TLN2: variants seen among roughly 807,000 people sequenced by gnomAD.
TLN2 encodes the protein talin 2.
TLN2 carries 118 observed loss-of-function variants against 294.7 expected under a neutral mutation model. That is an observed-to-expected ratio of 0.40 (90% CI 0.34 to 0.47). The LOEUF is 0.47. Ranked by LOEUF, TLN2 falls within the 20% of genes least tolerant of loss-of-function variation. TLN2 has a pLI of 0.84. For missense variants in TLN2, 3,083 were observed against 3,282.2 expected, an observed-to-expected ratio of 0.94 and a Z score of 1.48; for synonymous variants, 1,431 against 1,304.5, an observed-to-expected ratio of 1.10 and a Z score of -2.09.
intron 1 of TLN2, among the ~76,000 whole-genome samples, chr15:62,432,580 C>T (rs2035067045): frequency 6.6e-6 from 1 of 152,264 alleles, no homozygotes; most frequent in African/African-American, 2.4e-5. Flanking sequence ...TATGTGAAGG[C>T]ACTTTGAAAA....
chr15:62,602,297 A>G (rs2047068206), intron 2 of TLN2, among the ~76,000 whole-genome samples: 1 of 152,070 alleles, frequency 6.6e-6, no homozygotes, highest in Admixed American at 6.5e-5. Flanking sequence ...ATATTTTTTC[A>G]TCTGCTTTAT....
intron 43 of TLN2, among the ~76,000 whole-genome samples, chr15:62,777,160 G>A (rs2063772733): frequency 6.6e-6 from 1 of 152,154 alleles, no homozygotes; most frequent in Admixed American, 6.5e-5. Context: ...GATATCATAG[G>A]TTTCCTCAAT....
chr15:62,833,761 C>G (rs79818289), intron 55 of TLN2, 132 bp downstream of exon 55: 80,975 of 1,329,854 alleles, frequency 0.061, 3,933 homozygotes, highest in South Asian at 0.19. Flanking sequence ...AATTGCCACT[C>G]TCTGTGCTGA....
intron 1 of TLN2, among the ~76,000 whole-genome samples, chr15:62,434,778 A>C (rs966233977): frequency 6.6e-6 from 1 of 152,102 alleles, no homozygotes; most frequent in Non-Finnish European, 1.5e-5. Flanking sequence ...TTTTCCTTCA[A>C]CTTTTAAGTT....
At chr15:62,632,124 C>G (rs1390694559) in intron 3 of TLN2, among the ~76,000 whole-genome samples, 5 of 152,186 alleles carry the variant, frequency 3.3e-5, no homozygotes, top group African/African-American at 1.2e-4. Flanking sequence ...CTAGACAGCC[C>G]CAGCGCCTGC....
intron 1 of TLN2, among the ~76,000 whole-genome samples, chr15:62,545,638 T>G (rs1227186791): frequency 6.6e-6 from 1 of 152,098 alleles, no homozygotes; most frequent in East Asian, 1.9e-4. Context: ...ATATCCTTTT[T>G]ATGCTCAAGT....
At chr15:62,784,023 A>T in intron 45 of TLN2, 133 bp downstream of exon 45, 1 of 1,450,208 alleles carries the variant, frequency 6.9e-7, no homozygotes, top group East Asian at 2.3e-5. Flanking sequence ...TTTCCCCACC[A>T]CTGCACAGCA....
intron 52 of TLN2, among the ~76,000 whole-genome samples, chr15:62,814,702 A>G (rs1053877178): frequency 1.2e-4 from 18 of 152,234 alleles, no homozygotes; most frequent in African/African-American, 4.1e-4. Context: ...ATAAACATAT[A>G]AAAAATACAA....
chr15:62,655,581 T>TTTA lies in TLN2; in HGVS notation c.518-363_518-362insTTA, dbSNP rs2053116013. ...GAGAGGCAGCATATTATACATTCAT[T>TTTA]GTAGCACATGTCACCGTGGGTTGGC... On this transcript the variant is annotated intron_variant, in intron 7 of 58. Transcript: ENST00000636159. 7.7e-4 allele frequency among the ~76,000 whole-genome samples: 9 copies of TTTA among 11,724 alleles called. 3 individuals carry two copies. The Non-Finnish European group carries it at 0.032, about 41-fold the overall frequency. The allele number at this position is 11,724 out of a possible 152,430, so 7.7% of individuals were successfully genotyped here.
intron 2 of TLN2, among the ~76,000 whole-genome samples, chr15:62,604,973 G>A (rs1387191075): frequency 1.3e-5 from 2 of 152,052 alleles, no homozygotes; most frequent in Admixed American, 6.6e-5. Context: ...TGTATCAGCT[G>A]TCTTGTATGT....
chr15:62,422,744 A>T (rs1023494397), intron 1 of TLN2, among the ~76,000 whole-genome samples: 1 of 151,320 alleles, frequency 6.6e-6, no homozygotes, highest in Non-Finnish European at 1.5e-5. Flanking sequence ...CCCATCTTCA[A>T]CTCCTCCTAT....
intron 5 of TLN2, among the ~76,000 whole-genome samples, chr15:62,651,014 CTT>C (rs2052528547): frequency 6.6e-6 from 1 of 152,022 alleles, no homozygotes; most frequent in African/African-American, 2.4e-5. Flanking sequence ...CTATTTATGT[CTT>C]TCATTATTTC....
chr15:62,440,093 A>G (rs542627417), intron 1 of TLN2, among the ~76,000 whole-genome samples: 3 of 152,260 alleles, frequency 2.0e-5, no homozygotes, highest in Non-Finnish European at 2.9e-5. Context: ...ATGTTCATGA[A>G]GAACCCGCCA....
intron 1 of TLN2, among the ~76,000 whole-genome samples, chr15:62,443,171 T>C (rs1439183723): frequency 6.6e-6 from 1 of 152,170 alleles, no homozygotes; most frequent in Non-Finnish European, 1.5e-5. Context: ...GTTCTGAGGA[T>C]TGGGGTGTGA....
chr15:62,780,103 A>G (rs997790976), intron 43 of TLN2, among the ~76,000 whole-genome samples: 2 of 152,196 alleles, frequency 1.3e-5, no homozygotes, highest in Non-Finnish European at 2.9e-5. Flanking sequence ...TTTTCCATAA[A>G]ACAGATGCAG....
In TLN2 at chr15:62,842,807, G is replaced by A. The variant is rs1355648021; in HGVS notation, c.*2197G>A. Reference sequence around the variant, plus strand: ...AGCTATATAAATACTCACCTTTCTGGAGTCGTCCAGTGCTGGGAGCTTTGG... The same window carrying A: ...AGCTATATAAATACTCACCTTTCTGAAGTCGTCCAGTGCTGGGAGCTTTGG... On this transcript the variant is annotated 3_prime_UTR_variant, in exon 59 of 59. Coordinates refer to ENST00000636159, the MANE Select transcript of TLN2 (RefSeq NM_015059.3). 1 of 152,156 alleles carries A rather than the reference G, an allele frequency of 6.6e-6. No homozygotes were observed. The highest frequency in any genetic ancestry group is 6.5e-5 in the Admixed American group (1 of 15,280). 9.4% of individuals were successfully genotyped at this position (152,156 alleles called of 1,614,324 possible).
intron 45 of TLN2, among the ~76,000 whole-genome samples, chr15:62,788,203 C>T (rs1339663355): frequency 6.6e-6 from 1 of 151,544 alleles, no homozygotes; most frequent in Non-Finnish European, 1.5e-5. Flanking sequence ...CTCAGCTATT[C>T]AGGAGGCTGA....
Position 62,797,366 on chromosome 15 carries a change from G to T in TLN2, c.6198G>T (p.Gly2066=). 1 of 1,612,404 alleles carries T rather than the reference G, an allele frequency of 6.2e-7. No individual in the cohort carries two copies. The highest frequency in any genetic ancestry group is 8.5e-7 in the Non-Finnish European group (1 of 1,179,608). ...ITQLAEVVKL[G]AASLGSDDPE... ...AGCTCGCAGAAGTGGTCAAGCTGGG[G>T]GCAGCCAGCCTGGGCTCCGACGACC... is the stretch of plus-strand genomic sequence containing the variant. The change falls in exon 48 of 59, where the codon GGG becomes GGT. Residue 2066 remains glycine (G), a synonymous_variant. Transcript: ENST00000636159.
intron 11 of TLN2, among the ~76,000 whole-genome samples, chr15:62,678,090 T>C (rs2056435617): frequency 1.3e-5 from 2 of 152,014 alleles, no homozygotes; most frequent in African/African-American, 4.8e-5. Context: ...CCACCACCCC[T>C]GGCCAAGCAC....
Sources: gnomAD v4.1 joint callset for allele counts (sites outside exome capture counted in the v4.1 genomes callset) on GRCh38, gnomAD v4.1.1 for gene constraint, MANE v1.5 for transcripts, NCBI Gene and HGNC (gene_info 2026-07-23, HGNC 2026-07-21) for gene names.